The following TRPM3 variants were observed in gnomAD, a reference collection of about 807,000 sequenced individuals.
TRPM3 encodes transient receptor potential cation channel subfamily M member 3, also known as long transient receptor potential channel 3.
TRPM3 carries 77 observed loss-of-function variants against 181.2 expected under a neutral mutation model. The ratio of observed to expected loss-of-function variants is 0.42; its 90% CI spans 0.35 to 0.51. TRPM3 has a LOEUF of 0.51. Among genes scored for constraint, TRPM3 ranks in the 20% least tolerant of loss-of-function variants. The pLI, the probability that TRPM3 is intolerant of heterozygous loss-of-function variation, is 0.01. For missense variants in TRPM3, 1,759 were observed against 2,196.7 expected (o/e 0.80, Z 3.98); for synonymous variants, 745 against 796.4 (o/e 0.94, Z 1.09).
At chr9:71,342,163 A>C (rs1487660486) in intron 1 of TRPM3, among the ~76,000 whole-genome samples, 1 of 149,096 alleles carries the variant, frequency 6.7e-6, no homozygotes, top group Non-Finnish European at 1.5e-5. Flanking sequence ...ATCACTTTTA[A>C]ATATCTTCTC....
chr9:71,193,837 A>G (rs2078178484), intron 1 of TRPM3, among the ~76,000 whole-genome samples: 1 of 152,018 alleles, frequency 6.6e-6, no homozygotes, highest in South Asian at 2.1e-4. Flanking sequence ...TTGACACATC[A>G]CTTCCTGTAA....
At chr9:70,935,768 C>G (rs2096823271) in intron 1 of TRPM3, among the ~76,000 whole-genome samples, 1 of 152,260 alleles carries the variant, frequency 6.6e-6, no homozygotes, top group Admixed American at 6.5e-5. Flanking sequence ...TATTTGTGAA[C>G]ATTTAAAAAA....
At chr9:71,129,430 A>G (rs1395730253) in intron 1 of TRPM3, among the ~76,000 whole-genome samples, 1 of 152,202 alleles carries the variant, frequency 6.6e-6, no homozygotes, top group African/African-American at 2.4e-5. Flanking sequence ...TAATATTAAA[A>G]TGATGATTAA....
chr9:70,554,189 A>G lies in TRPM3; in HGVS notation c.3224-879T>C, dbSNP rs559763009. On this transcript the variant is annotated intron_variant, in intron 22 of 25. Coordinates refer to ENST00000677713, the MANE Select transcript of TRPM3 (RefSeq NM_001366145.2). ...CCGGGTAAATGCAAGAAAGAAAAAA[A>G]TCCCTGACAAAGCTTCTTAGTGCTG... is the stretch of plus-strand genomic sequence containing the variant. Among the ~76,000 whole-genome samples, 196 of 152,278 alleles carry G rather than the reference A, an allele frequency of 1.3e-3. 2 individuals are homozygous for G. The highest frequency in any genetic ancestry group is 4.6e-3 in the African/African-American group (190 of 41,552).
At chr9:70,692,391 G>A (rs369030353) in intron 8 of TRPM3, among the ~76,000 whole-genome samples, 18 of 152,284 alleles carry the variant, frequency 1.2e-4, no homozygotes, top group Middle Eastern at 3.4e-3. Context: ...ACCCCTAGAA[G>A]TTTGGGGCTT....
At chr9:70,937,245 G>C (rs1344445254) in intron 1 of TRPM3, among the ~76,000 whole-genome samples, 7 of 152,184 alleles carry the variant, frequency 4.6e-5, no homozygotes, top group Non-Finnish European at 8.8e-5. Context: ...AGTGAGGTTA[G>C]AATTAAATTT....
At chr9:71,272,937 T>A (rs1441643201) in intron 1 of TRPM3, among the ~76,000 whole-genome samples, 1 of 151,708 alleles carries the variant, frequency 6.6e-6, no homozygotes, top group Non-Finnish European at 1.5e-5. Flanking sequence ...TGCAGTGGCA[T>A]GATCTCAGCT....
chr9:71,025,172 T>C (rs999084409), intron 1 of TRPM3, among the ~76,000 whole-genome samples: 2 of 152,210 alleles, frequency 1.3e-5, no homozygotes, highest in African/African-American at 2.4e-5. Flanking sequence ...TTCCCCCAAA[T>C]AGAAGCTATA....
intron 1 of TRPM3, among the ~76,000 whole-genome samples, chr9:71,427,168 T>C (rs918961597): frequency 6.6e-6 from 1 of 152,200 alleles, no homozygotes; most frequent in African/African-American, 2.4e-5. Context: ...TCTTGTACCA[T>C]GGAGTCCAGG....
intron 9 of TRPM3, among the ~76,000 whole-genome samples, chr9:70,664,710 G>A (rs2061606056): frequency 7.2e-6 from 1 of 139,476 alleles, no homozygotes; most frequent in Admixed American, 7.9e-5. Context: ...GAGTGCAGTG[G>A]CATGATCTTG....
At chr9:70,794,360 C>A (rs994388775) in intron 6 of TRPM3, among the ~76,000 whole-genome samples, 9 of 152,210 alleles carry the variant, frequency 5.9e-5, no homozygotes, top group Non-Finnish European at 8.8e-5. Context: ...GCAGAGAGAG[C>A]AATCACTCCT....
At chr9:70,606,841 A>G (rs2061257183) in intron 19 of TRPM3, among the ~76,000 whole-genome samples, 1 of 152,058 alleles carries the variant, frequency 6.6e-6, no homozygotes, top group Non-Finnish European at 1.5e-5. Flanking sequence ...CTAACTATCA[A>G]ACACAAGCAC....
chr9:71,204,018 G>A (rs1430658671), intron 1 of TRPM3, among the ~76,000 whole-genome samples: 1 of 151,900 alleles, frequency 6.6e-6, no homozygotes. Flanking sequence ...TATGTAGAAA[G>A]CTGAAACTGG....
At chr9:71,298,407 GC>G (rs1267612670) in intron 1 of TRPM3, among the ~76,000 whole-genome samples, 1 of 151,584 alleles carries the variant, frequency 6.6e-6, no homozygotes, top group African/African-American at 2.4e-5. Context: ...CACAGTAAAA[GC>G]TGATTAAAAT....
chr9:70,892,941 AAAT>A (rs2096232455), intron 1 of TRPM3, among the ~76,000 whole-genome samples: 1 of 152,204 alleles, frequency 6.6e-6, no homozygotes, highest in Admixed American at 6.5e-5. Context: ...CTATATCCAC[AAAT>A]AAAATTGAGA....
At chr9:71,337,048 G>A (rs1343152398) in intron 1 of TRPM3, among the ~76,000 whole-genome samples, 2 of 152,072 alleles carry the variant, frequency 1.3e-5, no homozygotes, top group Non-Finnish European at 2.9e-5. Context: ...GATGGGCAAG[G>A]ACTTCATGAC....
At chr9:70,863,811 A>T (rs996170847) in intron 2 of TRPM3, among the ~76,000 whole-genome samples, 2 of 152,128 alleles carry the variant, frequency 1.3e-5, no homozygotes, top group Non-Finnish European at 2.9e-5. Context: ...TATAGATGAA[A>T]TATTGTAGTT....
intron 1 of TRPM3, among the ~76,000 whole-genome samples, chr9:71,377,140 T>C (rs1256066246): frequency 6.6e-6 from 1 of 152,138 alleles, no homozygotes; most frequent in Non-Finnish European, 1.5e-5. Context: ...GAATTATTTG[T>C]TCTCTGTACC....
At position 71,210,814 on chromosome 9, in the gene TRPM3, T is replaced by A. The variant is rs1172253602; in HGVS notation, c.183+235839A>T. On this transcript the variant is annotated intron_variant, in intron 1 of 24. Transcript: ENST00000357533. Reference sequence around the variant, plus strand: ...GAAAAGGGAAAGTCTAAGGTCAAGGTGCCACCCAATTCAGTTTCCAGTGAG... The same window carrying A: ...GAAAAGGGAAAGTCTAAGGTCAAGGAGCCACCCAATTCAGTTTCCAGTGAG... Among the ~76,000 whole-genome samples the A allele has an allele frequency of 2.6e-5, 4 of 152,154 alleles. No homozygotes were observed. In the East Asian group the frequency reaches 7.7e-4, roughly 29 times the overall value.
Sources: gnomAD v4.1 joint callset for allele counts (sites outside exome capture counted in the v4.1 genomes callset) on GRCh38, gnomAD v4.1.1 for gene constraint, MANE v1.5 for transcripts, NCBI Gene and HGNC (gene_info 2026-07-23, HGNC 2026-07-21) for gene names.